PDCD1LG2: variants seen among roughly 807,000 people sequenced by gnomAD.
PDCD1LG2 encodes programmed cell death 1 ligand 2.
Under a neutral mutation model 28.2 loss-of-function variants are expected in PDCD1LG2, and 32 were observed. The ratio of observed to expected loss-of-function variants is 1.13; its 90% CI spans 0.86 to 1.52. PDCD1LG2 has a LOEUF of 1.52. Ranked by LOEUF, PDCD1LG2 falls within the 40% of genes most tolerant of loss-of-function variation. The pLI, the probability that PDCD1LG2 is intolerant of heterozygous loss-of-function variation, is 0.00. For missense variants in PDCD1LG2, 385 were observed against 323.8 expected, an observed-to-expected ratio of 1.19 and a Z score of -1.45; for synonymous variants, 116 against 120.2, an observed-to-expected ratio of 0.97 and a Z score of 0.23.
rs1016558653 is a variant in PDCD1LG2, at chr9:5,569,805, G to A, written c.817-149G>A. On this transcript the variant is annotated intron_variant, in intron 6 of 6. Transcript: ENST00000397747. This position sits in a 1 kb window ranked among gnomAD's most constrained non-coding sequence, Gnocchi z 4.1. The stretch of plus-strand genomic sequence containing the variant: ...AGGGCAATGGTAAAAACTGTGGAAA[G>A]AAGTTTTAAATGAAAAGTTTTAAAC... 3.0e-5 allele frequency: 22 copies of A among 743,934 alleles called. No individual in the cohort carries two copies. In the Admixed American group the frequency reaches 4.8e-4, roughly 16 times the overall value. 46.1% of individuals were successfully genotyped at this position (743,934 alleles called of 1,614,324 possible).
chr9:5,518,677 C>T (rs1160050147), intron 1 of PDCD1LG2, among the ~76,000 whole-genome samples: 2 of 152,352 alleles, frequency 1.3e-5, no homozygotes, highest in East Asian at 3.9e-4. Flanking sequence ...ATACAGCTCA[C>T]TGAGGACCTT....
rs1477444652 is a variant in PDCD1LG2 at position 5,534,920 on chromosome 9, G to A, written c.231G>A (p.Glu77=). 8 of 1,614,032 alleles carry A rather than the reference G, an allele frequency of 5.0e-6. No homozygotes were observed. The African/African-American group carries it at 1.1e-4, about 22-fold the overall frequency. The change falls in exon 3 of 7, where the codon GAG becomes GAA. Residue 77 remains glutamate (E), a synonymous_variant. Transcript: ENST00000397747. ...SPHRERATLL[E]EQLPLGKASF... is the part of the protein sequence containing the mutation. ...ACCGTGAAAGAGCCACTTTGCTGGA[G>A]GAGCAGCTGCCCCTAGGGAAGGCCT...
intron 6 of PDCD1LG2, among the ~76,000 whole-genome samples, chr9:5,564,404 T>C (rs1422026596): frequency 6.6e-6 from 1 of 151,984 alleles, no homozygotes; most frequent in Non-Finnish European, 1.5e-5. Context: ...AGGTGGGGAG[T>C]GGGGGCACCC....
intron 3 of PDCD1LG2, among the ~76,000 whole-genome samples, chr9:5,544,011 A>T (rs1243699650): frequency 1.3e-5 from 2 of 152,330 alleles, no homozygotes; most frequent in Non-Finnish European, 1.5e-5. Context: ...TCTAAGACCA[A>T]GGCATGTAAA....
At chr9:5,544,733 G>A (rs1222365501) in intron 3 of PDCD1LG2, among the ~76,000 whole-genome samples, 1 of 134,572 alleles carries the variant, frequency 7.4e-6, no homozygotes, top group Non-Finnish European at 1.6e-5. Context: ...ACGAAGGCTG[G>A]CTGATGGCCT....
At chr9:5,554,649 G>A (rs1186521290) in intron 4 of PDCD1LG2, among the ~76,000 whole-genome samples, 1 of 152,184 alleles carries the variant, frequency 6.6e-6, no homozygotes, top group Non-Finnish European at 1.5e-5. Context: ...TTGAAATAGG[G>A]TTTCTTCTGC....
At chr9:5,565,832 T>G (rs1196070550) in intron 6 of PDCD1LG2, among the ~76,000 whole-genome samples, 4 of 152,088 alleles carry the variant, frequency 2.6e-5, no homozygotes, top group African/African-American at 7.2e-5. Flanking sequence ...TAATTTTAGT[T>G]GAGTCTATCA....
At chr9:5,528,937 C>T (rs1393369277) in intron 2 of PDCD1LG2, among the ~76,000 whole-genome samples, 1 of 152,106 alleles carries the variant, frequency 6.6e-6, no homozygotes, top group African/African-American at 2.4e-5. Flanking sequence ...ACTATGTTGG[C>T]CAGGCTGTCT....
intron 3 of PDCD1LG2, among the ~76,000 whole-genome samples, chr9:5,547,661 G>T (rs1463401093): frequency 6.6e-6 from 1 of 152,096 alleles, no homozygotes; most frequent in Non-Finnish European, 1.5e-5. Context: ...ATCAAGCCGG[G>T]CACAGTGGCT....
intron 1 of PDCD1LG2, among the ~76,000 whole-genome samples, chr9:5,518,130 C>T (rs1467296520): frequency 2.0e-5 from 3 of 152,192 alleles, no homozygotes; most frequent in Non-Finnish European, 2.9e-5. Context: ...AATAGGAAAA[C>T]AAGGCACAAA....
chr9:5,564,248 A>G (rs544465874), intron 6 of PDCD1LG2, among the ~76,000 whole-genome samples: 8 of 152,318 alleles, frequency 5.3e-5, no homozygotes, highest in Admixed American at 3.3e-4. Context: ...CATGCAGACT[A>G]CCAGTTTTGG....
intron 4 of PDCD1LG2, among the ~76,000 whole-genome samples, chr9:5,551,931 C>T (rs1185291634): frequency 2.0e-5 from 3 of 152,182 alleles, no homozygotes; most frequent in African/African-American, 7.2e-5. Context: ...GCTGTAGTTC[C>T]TGCTGCTGCT....
rs149699795 is a variant in PDCD1LG2 at position 5,544,769 on chromosome 9, G to A, written c.362-4566G>A. On this transcript the variant is annotated intron_variant, in intron 3 of 6. Coordinates refer to ENST00000397747, the MANE Select transcript of PDCD1LG2 (RefSeq NM_025239.4). The stretch of plus-strand genomic sequence containing the variant: ...CAGTCAACTTGGAGACAATCTCCAA[G>A]TGCTAAGGGGTCTGTTATTCAGGTT... Among the ~76,000 whole-genome samples, 442 of 152,292 alleles carry A rather than the reference G, an allele frequency of 2.9e-3. 3 individuals carry two copies. The highest frequency in any genetic ancestry group is 9.8e-3 in the African/African-American group (408 of 41,550).
At chr9:5,515,210 T>C (rs1235338730) in intron 1 of PDCD1LG2, among the ~76,000 whole-genome samples, 1 of 152,130 alleles carries the variant, frequency 6.6e-6, no homozygotes, top group East Asian at 1.9e-4. Flanking sequence ...CCCAATAACA[T>C]TAAGATGAAA....
intron 3 of PDCD1LG2, among the ~76,000 whole-genome samples, chr9:5,535,756 A>G (rs1820568628): frequency 2.0e-5 from 3 of 152,194 alleles, no homozygotes; most frequent in Admixed American, 6.5e-5. Flanking sequence ...GGGTAGCCCA[A>G]GAGAGTCCCA....
chr9:5,558,277 G>A (rs938830035), intron 5 of PDCD1LG2, among the ~76,000 whole-genome samples: 8 of 152,314 alleles, frequency 5.3e-5, no homozygotes, highest in East Asian at 1.9e-4. Flanking sequence ...GTGCATTAAC[G>A]TCTTTCAGCA....
intron 2 of PDCD1LG2, among the ~76,000 whole-genome samples, chr9:5,532,248 A>G (rs1236648793): frequency 6.6e-6 from 1 of 152,244 alleles, no homozygotes; most frequent in Non-Finnish European, 1.5e-5. Flanking sequence ...CCTGCACAAA[A>G]GAATGCTGGG....
chr9:5,565,579 C>T (rs1345780197), intron 6 of PDCD1LG2, among the ~76,000 whole-genome samples: 1 of 152,206 alleles, frequency 6.6e-6, no homozygotes, highest in African/African-American at 2.4e-5. Context: ...ATCTATACCA[C>T]TCTTAAGCAC....
chr9:5,568,189 A>C (rs1048126216), intron 6 of PDCD1LG2, among the ~76,000 whole-genome samples: 1 of 152,162 alleles, frequency 6.6e-6, no homozygotes, highest in African/African-American at 2.4e-5. Flanking sequence ...CATATAGGCT[A>C]TTTGTCCATA....
Sources: allele counts gnomAD v4.1 joint callset (sites outside exome capture counted in the v4.1 genomes callset), GRCh38; gene constraint gnomAD v4.1.1; non-coding constraint Gnocchi (gnomAD v3.1); transcripts MANE v1.5; gene names NCBI Gene and HGNC (gene_info 2026-07-23, HGNC 2026-07-21).